SBF2: variants seen among roughly 807,000 people sequenced by gnomAD.
SBF2 encodes myotubularin-related protein 13.
A neutral mutation model predicts 225.2 loss-of-function variants in SBF2; 112 were observed. That is an observed-to-expected ratio of 0.50 (90% CI 0.43 to 0.58). SBF2 has a LOEUF of 0.58. Among genes scored for constraint, SBF2 ranks in the 20% least tolerant of loss-of-function variants. The pLI is 0.00. For missense variants in SBF2, 1,996 were observed against 2,206.2 expected (o/e 0.90, Z 1.91); for synonymous variants, 763 against 773.3 (o/e 0.99, Z 0.22).
At chr11:10,200,043 G>A (rs562153101) in intron 1 of SBF2, among the ~76,000 whole-genome samples, 5 of 152,332 alleles carry the variant, frequency 3.3e-5, no homozygotes, top group African/African-American at 1.2e-4. Flanking sequence ...GCTAAGGCAG[G>A]AAGACTGCTT....
At chr11:10,021,683 G>A (rs1948863642) in intron 6 of SBF2, among the ~76,000 whole-genome samples, 2 of 152,280 alleles carry the variant, frequency 1.3e-5, no homozygotes, top group African/African-American at 2.4e-5. Flanking sequence ...AGGAAAACTA[G>A]TCAAGGTTAC....
At chr11:9,875,283 G>C (rs1859127425) in intron 17 of SBF2, among the ~76,000 whole-genome samples, 1 of 152,162 alleles carries the variant, frequency 6.6e-6, no homozygotes, top group East Asian at 1.9e-4. Flanking sequence ...TAGCTATAAA[G>C]TTACATTAAA....
chr11:10,276,821 G>A (rs1313687233), intron 1 of SBF2, among the ~76,000 whole-genome samples: 1 of 152,104 alleles, frequency 6.6e-6, no homozygotes, highest in Non-Finnish European at 1.5e-5. Context: ...TGTGACACTA[G>A]ATCCCAAGAA....
At chr11:9,980,267 A>C (rs1946889686) in intron 13 of SBF2, among the ~76,000 whole-genome samples, 1 of 144,496 alleles carries the variant, frequency 6.9e-6, no homozygotes, top group South Asian at 2.2e-4. Flanking sequence ...GGCATGAGCC[A>C]CCATACCCAG....
At chr11:9,991,550 T>C (rs938086295) in intron 12 of SBF2, among the ~76,000 whole-genome samples, 4 of 152,194 alleles carry the variant, frequency 2.6e-5, no homozygotes, top group Non-Finnish European at 5.9e-5. Context: ...AAGAAACTTT[T>C]TACATTTTTG....
rs192967361 is a variant in SBF2 at position 9,984,610 on chromosome 11, C to T, written c.1395+4887G>A. ...TGGAAATTCATTGCAAAAAGATCTT[C>T]GCCTAGGCACATTGTCATCAGGTTA... On this transcript the variant is annotated intron_variant, in intron 13 of 39. Transcript: ENST00000256190. Among the ~76,000 whole-genome samples, 58 of 152,248 alleles carry T rather than the reference C, an allele frequency of 3.8e-4. 1 individual carries two copies. Among genetic ancestry groups the T allele is most frequent in the African/African-American group, 1.3e-3 (55 of 41,566 alleles).
At chr11:9,793,547 G>C (rs183496643) in intron 33 of SBF2, among the ~76,000 whole-genome samples, 1 of 152,076 alleles carries the variant, frequency 6.6e-6, no homozygotes, top group East Asian at 1.9e-4. Flanking sequence ...ATGCCACCAC[G>C]CCTGGCTAAT....
chr11:10,137,007 A>C (rs1448256145), intron 2 of SBF2, among the ~76,000 whole-genome samples: 1 of 152,218 alleles, frequency 6.6e-6, no homozygotes, highest in African/African-American at 2.4e-5. Flanking sequence ...GAGTGGAATT[A>C]GCATCTTTAC....
intron 2 of SBF2, among the ~76,000 whole-genome samples, chr11:10,091,657 A>G (rs1212836370): frequency 6.6e-6 from 1 of 152,170 alleles, no homozygotes; most frequent in African/African-American, 2.4e-5. Flanking sequence ...TAGAGGAGGA[A>G]CTGTATCTCA....
chr11:9,821,247 G>T (rs1191921100), intron 28 of SBF2, among the ~76,000 whole-genome samples: 1 of 152,104 alleles, frequency 6.6e-6, no homozygotes, highest in African/African-American at 2.4e-5. Context: ...AGAATTTGTT[G>T]ATTATTTACT....
chr11:10,247,990 G>T (rs12294064), intron 1 of SBF2, among the ~76,000 whole-genome samples: 20 of 152,168 alleles, frequency 1.3e-4, no homozygotes, highest in Non-Finnish European at 2.1e-4. Flanking sequence ...CTTCAAAAGT[G>T]TAAACATTTG....
At chr11:9,816,306 T>C (rs2133910398) in intron 29 of SBF2, among the ~76,000 whole-genome samples, 1 of 152,296 alleles carries the variant, frequency 6.6e-6, no homozygotes, top group East Asian at 1.9e-4. Flanking sequence ...TTCTGACACA[T>C]CTTAGGACAT....
intron 2 of SBF2, among the ~76,000 whole-genome samples, chr11:10,159,201 C>T (rs527394224): frequency 5.9e-5 from 9 of 152,206 alleles, no homozygotes; most frequent in African/African-American, 1.7e-4. Context: ...TGTTCCTTGG[C>T]GTAGGCTGAA....
At chr11:10,043,631 G>A (rs1384357452) in intron 2 of SBF2, among the ~76,000 whole-genome samples, 1 of 152,080 alleles carries the variant, frequency 6.6e-6, no homozygotes, top group East Asian at 1.9e-4. Context: ...CTGCAGTGCA[G>A]TGGCATGATC....
At chr11:10,070,935 G>T (rs945606946) in intron 2 of SBF2, among the ~76,000 whole-genome samples, 29 of 152,186 alleles carry the variant, frequency 1.9e-4, no homozygotes, top group Middle Eastern at 3.4e-3. Context: ...GTGAATGGGG[G>T]TTCACTCATG....
At chr11:10,106,704 C>T (rs896461339) in intron 2 of SBF2, among the ~76,000 whole-genome samples, 8 of 149,036 alleles carry the variant, frequency 5.4e-5, no homozygotes, top group Non-Finnish European at 1.2e-4. Context: ...TTGAAATACA[C>T]TTATAAAGTA....
At chr11:10,027,768 A>C (rs988009713) in intron 6 of SBF2, among the ~76,000 whole-genome samples, 12 of 152,218 alleles carry the variant, frequency 7.9e-5, no homozygotes, top group Non-Finnish European at 1.3e-4. Flanking sequence ...GAATCCTCCC[A>C]ATCTTTCATC....
chr11:9,899,667 G>C (rs942397264), intron 16 of SBF2, among the ~76,000 whole-genome samples: 3 of 152,126 alleles, frequency 2.0e-5, no homozygotes, highest in Non-Finnish European at 2.9e-5. Context: ...ATGGAGGAGA[G>C]AGAGGAAAAA....
intron 2 of SBF2, among the ~76,000 whole-genome samples, chr11:10,159,824 A>G (rs1274366094): frequency 6.6e-6 from 1 of 151,908 alleles, no homozygotes; most frequent in African/African-American, 2.4e-5. Flanking sequence ...CGGGAGGCAG[A>G]GCTTACAGTG....
Sources: allele counts gnomAD v4.1 joint callset (sites outside exome capture counted in the v4.1 genomes callset), GRCh38; gene constraint gnomAD v4.1.1; transcripts MANE v1.5; gene names NCBI Gene and HGNC (gene_info 2026-07-23, HGNC 2026-07-21).